RAD51B: variants seen among roughly 807,000 people sequenced by gnomAD.
RAD51B encodes RAD51 paralog B.
RAD51B carries 38 observed loss-of-function variants against 42.2 expected under a neutral mutation model. The observed-to-expected ratio is 0.90, with a 90% CI of 0.70 to 1.18. The LOEUF (loss-of-function observed/expected upper bound fraction) is 1.18, where lower values mean the gene tolerates loss of function less well. Among genes scored for constraint, RAD51B ranks in the 50% most tolerant of loss-of-function variants. The pLI is 0.00. For synonymous variants in RAD51B, 154 were observed against 145.2 expected (o/e 1.06, Z -0.43); for missense variants, 373 against 400.7 (o/e 0.93, Z 0.59).
At chr14:68,067,477 C>CAA (rs79038337) in intron 7 of RAD51B, among the ~76,000 whole-genome samples, 6 of 101,796 alleles carry the variant, frequency 5.9e-5, no homozygotes, top group East Asian at 2.9e-4. Flanking sequence ...AAAAAAAAAA[C>CAA]AAAAAAAAAA....
At chr14:68,341,409 A>G (rs2082569430) in intron 8 of RAD51B, among the ~76,000 whole-genome samples, 1 of 152,170 alleles carries the variant, frequency 6.6e-6, no homozygotes, top group African/African-American at 2.4e-5. Context: ...TCTGAACCTT[A>G]TTTTCTTAGG....
At chr14:68,354,908 G>A (rs1335163969) in intron 8 of RAD51B, among the ~76,000 whole-genome samples, 1 of 152,130 alleles carries the variant, frequency 6.6e-6, no homozygotes, top group Non-Finnish European at 1.5e-5. Context: ...GAAATGCCAA[G>A]TTTAAGCCTC....
chr14:68,041,817 A>G (rs1358303220), intron 7 of RAD51B, among the ~76,000 whole-genome samples: 1 of 151,988 alleles, frequency 6.6e-6, no homozygotes, highest in Non-Finnish European at 1.5e-5. Context: ...TTTTCTTTTT[A>G]CTAAGATGTG....
intron 7 of RAD51B, among the ~76,000 whole-genome samples, chr14:68,267,001 T>C (rs2081004818): frequency 6.6e-6 from 1 of 152,220 alleles, no homozygotes; most frequent in African/African-American, 2.4e-5. Context: ...AGAATCAGAA[T>C]TCTGAATCAG....
intron 10 of RAD51B, among the ~76,000 whole-genome samples, chr14:68,648,029 A>ATATACG: frequency 3.8e-5 from 4 of 104,058 alleles, no homozygotes; most frequent in Admixed American, 1.0e-4. Flanking sequence ...ATACGTATAT[A>ATATACG]TATATATACA....
chr14:68,094,774 C>G (rs1264084673), intron 7 of RAD51B, among the ~76,000 whole-genome samples: 1 of 152,116 alleles, frequency 6.6e-6, no homozygotes, highest in Non-Finnish European at 1.5e-5. Flanking sequence ...ATGAGCAAAG[C>G]TGGAAAAAGT....
chr14:67,851,018 C>T (rs2041787304), intron 4 of RAD51B, among the ~76,000 whole-genome samples: 1 of 152,104 alleles, frequency 6.6e-6, no homozygotes, highest in Admixed American at 6.6e-5. Context: ...ATATAGGTAG[C>T]TGTGTGGCTC....
At chr14:68,238,873 T>C (rs112006432) in intron 7 of RAD51B, among the ~76,000 whole-genome samples, 4,474 of 152,280 alleles carry the variant, frequency 0.029, 222 homozygotes, top group African/African-American at 0.1. Context: ...TGTGTTGCTC[T>C]TCTTAGCCTG....
Position 68,409,684 on chromosome 14 carries a change from T to A in RAD51B, c.854-1740T>A, listed in dbSNP as rs558778314. Among the ~76,000 whole-genome samples the A allele has an allele frequency of 5.3e-4, 80 of 152,222 alleles. 1 individual carries two copies. Among genetic ancestry groups the A allele is most frequent in the African/African-American group, 1.9e-3 (79 of 41,534 alleles). The stretch of plus-strand genomic sequence containing the variant: ...ATGGGAGACCATCCAGTGAGGAGGC[T>A]GAGAGAGGTGAAGCCAGAGAGAGAT... On this transcript the variant is annotated intron_variant, in intron 8 of 10. Transcript: ENST00000471583.
intron 4 of RAD51B, among the ~76,000 whole-genome samples, chr14:67,856,296 A>T (rs970553973): frequency 2.6e-5 from 4 of 152,180 alleles, no homozygotes; most frequent in African/African-American, 9.7e-5. Context: ...GGTGTAAAGT[A>T]ATTTAAGATC....
intron 8 of RAD51B, among the ~76,000 whole-genome samples, chr14:68,354,401 G>A (rs754737471): frequency 6.6e-5 from 10 of 152,044 alleles, no homozygotes; most frequent in Non-Finnish European, 1.3e-4. Context: ...TGTTAGTAGA[G>A]ACGAGGTTTC....
chr14:68,149,622 A>G (rs1042895225), intron 7 of RAD51B: 4 of 152,140 alleles, frequency 2.6e-5, no homozygotes, highest in African/African-American at 9.7e-5. Context: ...CATTTAAGAG[A>G]TGAGGTCCCA....
intron 7 of RAD51B, among the ~76,000 whole-genome samples, chr14:68,015,509 G>C (rs182149917): frequency 6.6e-6 from 1 of 152,198 alleles, no homozygotes; most frequent in Non-Finnish European, 1.5e-5. Context: ...CATGGTGGAA[G>C]GCGAAGGAGG....
chr14:68,515,146 G>A (rs984051676), intron 10 of RAD51B, among the ~76,000 whole-genome samples: 7 of 152,182 alleles, frequency 4.6e-5, no homozygotes, highest in African/African-American at 1.4e-4. Flanking sequence ...TTTATGTCCA[G>A]CAATCTTACT....
intron 7 of RAD51B, among the ~76,000 whole-genome samples, chr14:68,120,984 G>C (rs989360729): frequency 6.6e-6 from 1 of 152,072 alleles, no homozygotes; most frequent in East Asian, 1.9e-4. Context: ...CTGTCATATT[G>C]CTAGGAGTGT....
At chr14:68,325,817 C>G (rs973210823) in intron 8 of RAD51B, among the ~76,000 whole-genome samples, 1 of 151,984 alleles carries the variant, frequency 6.6e-6, no homozygotes, top group Non-Finnish European at 1.5e-5. Context: ...CAACTGTCAC[C>G]ACCCATAGCA....
At chr14:68,090,964 T>A (rs1466310562) in intron 7 of RAD51B, among the ~76,000 whole-genome samples, 1 of 150,560 alleles carries the variant, frequency 6.6e-6, no homozygotes, top group South Asian at 2.1e-4. Flanking sequence ...TGGTTTTTTG[T>A]CCTTGTGATA....
At chr14:67,852,529 G>A (rs1158951827) in intron 4 of RAD51B, among the ~76,000 whole-genome samples, 1 of 152,216 alleles carries the variant, frequency 6.6e-6, no homozygotes, top group African/African-American at 2.4e-5. Context: ...TGACACAACA[G>A]CTGACTTTCT....
chr14:68,308,629 T>C (rs1566798916), intron 8 of RAD51B, among the ~76,000 whole-genome samples: 2 of 151,074 alleles, frequency 1.3e-5, no homozygotes, highest in African/African-American at 2.4e-5. Flanking sequence ...TGATGATTTC[T>C]TGAGGTCCCT....
Sources: gnomAD v4.1 joint callset for allele counts (sites outside exome capture counted in the v4.1 genomes callset) on GRCh38, gnomAD v4.1.1 for gene constraint, MANE v1.5 for transcripts, NCBI Gene and HGNC (gene_info 2026-07-23, HGNC 2026-07-21) for gene names.